NRG4: variants seen among roughly 807,000 people sequenced by gnomAD.
The protein encoded by NRG4 is neuregulin 4, also known as pro-neuregulin-4, membrane-bound isoform.
NRG4 carries 10 observed loss-of-function variants against 15.0 expected under a neutral mutation model. The observed-to-expected ratio is 0.67, with a 90% CI of 0.41 to 1.13. The LOEUF (loss-of-function observed/expected upper bound fraction) is 1.13, where lower values mean the gene tolerates loss of function less well. Among genes scored for constraint, NRG4 ranks in the 50% most tolerant of loss-of-function variants. The probability of loss-of-function intolerance (pLI) is 0.00; values close to 1 mark genes in which losing one functional copy is unlikely to be tolerated. For missense variants in NRG4, 139 were observed against 140.2 expected, an observed-to-expected ratio of 0.99 and a Z score of 0.04; for synonymous variants, 41 against 50.1, an observed-to-expected ratio of 0.82 and a Z score of 0.77.
chr15:76,056,480 T>A (rs1026771052), intron 2 of NRG4, among the ~76,000 whole-genome samples: 4 of 150,598 alleles, frequency 2.7e-5, no homozygotes, highest in East Asian at 4.0e-4. Flanking sequence ...AATAAATAAA[T>A]AAAAATAAAA....
upstream of NRG4, among the ~76,000 whole-genome samples, chr15:76,012,640 T>A (rs1232217004): frequency 1.3e-5 from 2 of 152,154 alleles, no homozygotes; most frequent in African/African-American, 4.8e-5. Flanking sequence ...TTCCTTAGAC[T>A]CCTTACTTAT....
downstream of NRG4, chr15:75,939,564 C>T (rs2030726814): frequency 6.6e-6 from 1 of 152,130 alleles, no homozygotes; most frequent in Non-Finnish European, 1.5e-5. Flanking sequence ...CATTCTGATG[C>T]TGAAGCCAGA....
chr15:75,978,367 C>T (rs1413114203), intron 3 of NRG4, among the ~76,000 whole-genome samples: 1 of 152,166 alleles, frequency 6.6e-6, no homozygotes, highest in African/African-American at 2.4e-5. Context: ...TGTTGCTGCA[C>T]ATGACGGGAC....
chr15:76,017,672 G>C (rs776426517), intron 5 of NRG4, among the ~76,000 whole-genome samples: 4 of 152,184 alleles, frequency 2.6e-5, no homozygotes, highest in Non-Finnish European at 5.9e-5. Flanking sequence ...CTCTCTTCTG[G>C]TGTGTAGTGT....
intron 4 of NRG4, among the ~76,000 whole-genome samples, chr15:76,040,649 G>T (rs1238720667): frequency 6.6e-6 from 1 of 152,178 alleles, no homozygotes; most frequent in Non-Finnish European, 1.5e-5. Flanking sequence ...CTGGCATGGT[G>T]GTTCACACCT....
intron 4 of NRG4, among the ~76,000 whole-genome samples, chr15:76,044,149 C>A (rs1401033494): frequency 6.6e-6 from 1 of 151,110 alleles, no homozygotes; most frequent in Non-Finnish European, 1.5e-5. Context: ...AAGCGCCCGC[C>A]ACCGCGCCCG....
At position 76,035,752 on chromosome 15, in the gene NRG4, C is replaced by T. The variant is rs118007030; in HGVS notation, c.-57+192G>A. On this transcript the variant is annotated intron_variant, in intron 5 of 8. Coordinates refer to the NRG4 transcript ENST00000563910. ...TGAACCTACAGATTCTCTAAAATAC[C>T]CATGTTTGTTAACAACTGTTTCTAT... Among the ~76,000 whole-genome samples, 9 of 152,248 alleles carry T rather than the reference C, an allele frequency of 5.9e-5. No individual in the cohort carries two copies. In the East Asian group the frequency reaches 1.7e-3, roughly 29 times the overall value.
intron 5 of NRG4, among the ~76,000 whole-genome samples, chr15:76,017,833 T>C (rs1156488599): frequency 2.0e-5 from 3 of 152,202 alleles, no homozygotes; most frequent in Admixed American, 6.5e-5. Context: ...GTAGTATCTT[T>C]GTGGTGTTCT....
intron 3 of NRG4, among the ~76,000 whole-genome samples, chr15:75,965,652 A>T (rs2032759755): frequency 6.6e-6 from 1 of 152,246 alleles, no homozygotes; most frequent in Admixed American, 6.5e-5. Context: ...CTGCCTACCA[A>T]TGACTGTGTA....
downstream of NRG4, chr15:75,936,204 G>C (rs1357738868): frequency 1.3e-5 from 2 of 152,184 alleles, no homozygotes; most frequent in Non-Finnish European, 2.9e-5. Flanking sequence ...GTTTTAATGG[G>C]AACAGAAGAC....
At chr15:76,051,712 C>T (rs1043310620) in intron 4 of NRG4, among the ~76,000 whole-genome samples, 2 of 150,038 alleles carry the variant, frequency 1.3e-5, no homozygotes, top group African/African-American at 2.5e-5. Context: ...CACAGGCGCC[C>T]GCCACCACGC....
chr15:76,034,971 T>C (rs2035565671), intron 5 of NRG4, among the ~76,000 whole-genome samples: 1 of 152,224 alleles, frequency 6.6e-6, no homozygotes, highest in Admixed American at 6.5e-5. Context: ...TTGCTTCTCC[T>C]TATATTATAG....
chr15:75,993,143 G>T (rs1210470490), intron 3 of NRG4, among the ~76,000 whole-genome samples: 2 of 151,748 alleles, frequency 1.3e-5, no homozygotes, highest in Non-Finnish European at 2.9e-5. Flanking sequence ...TTATCTGACT[G>T]CTTTCAAGAT....
chr15:75,978,144 A>G (rs577525162), intron 3 of NRG4, among the ~76,000 whole-genome samples: 4 of 152,202 alleles, frequency 2.6e-5, no homozygotes, highest in Admixed American at 2.0e-4. Context: ...AATATACAAT[A>G]AATCTAGCAG....
chr15:76,020,353 A>C (rs1014521613), intron 5 of NRG4, among the ~76,000 whole-genome samples: 23 of 152,234 alleles, frequency 1.5e-4, no homozygotes, highest in African/African-American at 4.8e-4. Context: ...GGCATGCAGA[A>C]AGGTAAGATA....
intron 5 of NRG4, among the ~76,000 whole-genome samples, chr15:75,951,433 G>T (rs2031899873): frequency 6.6e-6 from 1 of 152,060 alleles, no homozygotes; most frequent in Admixed American, 6.6e-5. Flanking sequence ...CTCCCAAAGT[G>T]CTGGGATTAC....
chr15:75,965,352 G>T (rs1328718357), intron 3 of NRG4, among the ~76,000 whole-genome samples: 1 of 152,136 alleles, frequency 6.6e-6, no homozygotes, highest in African/African-American at 2.4e-5. Flanking sequence ...ATCAGATCAG[G>T]GTTTATGCAA....
At chr15:76,051,548 T>A (rs1057485232) in intron 4 of NRG4, among the ~76,000 whole-genome samples, 4 of 149,786 alleles carry the variant, frequency 2.7e-5, no homozygotes, top group African/African-American at 1.0e-4. Context: ...ATAGTTAACA[T>A]ATAATTGAAC....
At chr15:75,990,263 G>A (rs1369596352) in intron 3 of NRG4, among the ~76,000 whole-genome samples, 1 of 152,068 alleles carries the variant, frequency 6.6e-6, no homozygotes. Flanking sequence ...CCTCTTCTCT[G>A]GTAGTGCATC....
Sources: allele counts gnomAD v4.1 joint callset (sites outside exome capture counted in the v4.1 genomes callset), GRCh38; gene constraint gnomAD v4.1.1; transcripts MANE v1.5; gene names NCBI Gene and HGNC (gene_info 2026-07-23, HGNC 2026-07-21).